SMOC1: variants seen among roughly 807,000 people sequenced by gnomAD.
SMOC1 encodes SPARC-related modular calcium-binding protein 1.
A neutral mutation model predicts 56.3 loss-of-function variants in SMOC1; 22 were observed. The ratio of observed to expected loss-of-function variants is 0.39; its 90% CI spans 0.28 to 0.56. The LOEUF is 0.56. Ranked by LOEUF, SMOC1 falls within the 20% of genes least tolerant of loss-of-function variation. SMOC1 has a pLI of 0.61. For missense variants in SMOC1, 509 were observed against 565.4 expected, an observed-to-expected ratio of 0.90 and a Z score of 1.01; for synonymous variants, 193 against 215.0, an observed-to-expected ratio of 0.90 and a Z score of 0.89.
intron 10 of SMOC1, among the ~76,000 whole-genome samples, chr14:70,018,236 T>C (rs1885588877): frequency 6.6e-6 from 1 of 152,006 alleles, no homozygotes. Flanking sequence ...CGATAGCAAG[T>C]GTCAGCATGA....
At chr14:69,966,797 G>A (rs1035821991) in intron 3 of SMOC1, among the ~76,000 whole-genome samples, 1 of 152,106 alleles carries the variant, frequency 6.6e-6, no homozygotes, top group Non-Finnish European at 1.5e-5. Context: ...TCTAGCTATG[G>A]GAATTATAGA....
rs1402188267 is a variant in SMOC1, at chr14:69,953,585, A to T, written c.378+53A>T. 3 of 1,498,496 alleles carry T rather than the reference A, an allele frequency of 2.0e-6. No individual in the cohort carries two copies. The African/African-American group carries it at 4.1e-5, about 21-fold the overall frequency. The allele number at this position is 1,498,496 out of a possible 1,614,324, so 92.8% of individuals were successfully genotyped here. On this transcript the variant is annotated intron_variant, in intron 3 of 11. Transcript: ENST00000361956. ...TCTTTCCTGGACCGAGGCAGAGGGG[A>T]GGTGTCCCGAGAGCGCGAGGGCTGC...
chr14:69,955,009 T>A lies in SMOC1; in HGVS notation c.378+1477T>A, dbSNP rs372551510. Among the ~76,000 whole-genome samples, 82 of 152,308 alleles carry A rather than the reference T, an allele frequency of 5.4e-4. 2 individuals carry two copies. The South Asian group carries it at 0.017, about 31-fold the overall frequency. On this transcript the variant is annotated intron_variant, in intron 3 of 11. Coordinates refer to ENST00000361956, the MANE Select transcript of SMOC1 (RefSeq NM_001034852.3). ...GTTGATTCAAATGGGCAGCCAGGCT[T>A]GATAGTCACTGGGTTAAACTGACGT... is the stretch of plus-strand genomic sequence containing the variant.
chr14:69,985,615 T>G (rs1431227866), intron 5 of SMOC1, among the ~76,000 whole-genome samples: 1 of 152,194 alleles, frequency 6.6e-6, no homozygotes, highest in African/African-American at 2.4e-5. Context: ...TTTGTAAGTT[T>G]TAAGTTGTGA....
intron 3 of SMOC1, among the ~76,000 whole-genome samples, chr14:69,967,618 C>A (rs1289760656): frequency 6.6e-6 from 1 of 151,262 alleles, no homozygotes; most frequent in African/African-American, 2.4e-5. Flanking sequence ...ATAAAATCAG[C>A]ATGTGCTAAG....
At chr14:69,932,698 G>A (rs2139395677) in intron 1 of SMOC1, among the ~76,000 whole-genome samples, 1 of 152,314 alleles carries the variant, frequency 6.6e-6, no homozygotes, top group East Asian at 1.9e-4. Flanking sequence ...CCTGTGCTTT[G>A]GGAGCCCCTG....
chr14:69,952,193 C>T lies in SMOC1; in HGVS notation c.155C>T (p.Pro52Leu). 1 of 1,614,160 alleles carries T rather than the reference C, an allele frequency of 6.2e-7. No individual in the cohort carries two copies. The highest frequency in any genetic ancestry group is 8.5e-7 in the Non-Finnish European group (1 of 1,180,020). The stretch of plus-strand genomic sequence containing the variant: ...AACCTCCACTGCTCCAGGACTCAAC[C>T]CAAACCCATCTGTGCCTCTGATGGC... ...QCNLHCSRTQ[P>L]KPICASDGRS... is the part of the protein sequence containing the mutation. The change falls in exon 2 of 12, where the codon CCC becomes CTC. Residue 52 changes from proline (P) to leucine (L), a missense_variant. Physicochemically the swap from Pro to Leu is moderately conservative, Grantham distance 98 (BLOSUM62 -3). Around this residue, in one of 3 missense-constraint regions of SMOC1, gnomAD observed 315 missense variants for 333.1 expected, o/e 0.95. Transcript: ENST00000361956.
At chr14:69,913,110 G>A (rs1884596598) in intron 1 of SMOC1, among the ~76,000 whole-genome samples, 1 of 152,190 alleles carries the variant, frequency 6.6e-6, no homozygotes, top group Admixed American at 6.5e-5. Context: ...AGGCCAGTGA[G>A]TGTGGGGGCA....
At chr14:69,954,074 G>GCAGTC (rs1883103387) in intron 3 of SMOC1, among the ~76,000 whole-genome samples, 2 of 152,102 alleles carry the variant, frequency 1.3e-5, no homozygotes, top group Non-Finnish European at 2.9e-5. Context: ...CCTAAGTCAG[G>GCAGTC]CAGTCCTACC....
intron 3 of SMOC1, 100 bp downstream of exon 3, chr14:69,953,632 A>T (rs540345673): frequency 1.4e-5 from 14 of 979,454 alleles, no homozygotes; most frequent in Admixed American, 5.5e-5. Context: ...ACTTTCTGGG[A>T]AACAGTTGAG....
At chr14:69,900,455 A>G (rs1030298536) in intron 1 of SMOC1, among the ~76,000 whole-genome samples, 3 of 152,232 alleles carry the variant, frequency 2.0e-5, no homozygotes, top group Non-Finnish European at 2.9e-5. Flanking sequence ...TCGTTTATGG[A>G]GCAGTACATA....
intron 1 of SMOC1, among the ~76,000 whole-genome samples, chr14:69,903,485 T>G (rs868805379): frequency 6.6e-6 from 1 of 152,200 alleles, no homozygotes; most frequent in Non-Finnish European, 1.5e-5. Context: ...GGGGAAAAGA[T>G]AGAGAAATCA....
intron 1 of SMOC1, among the ~76,000 whole-genome samples, chr14:69,916,617 TAGG>T: frequency 6.6e-6 from 1 of 152,330 alleles, no homozygotes; most frequent in African/African-American, 2.4e-5. Flanking sequence ...ATTTCCTCCT[TAGG>T]GCCTTTGCCC....
At chr14:69,925,537 G>A (rs1007694) in intron 1 of SMOC1, among the ~76,000 whole-genome samples, 8 of 152,086 alleles carry the variant, frequency 5.3e-5, no homozygotes, top group Admixed American at 1.3e-4. Flanking sequence ...ATTACCACCC[G>A]ACATTGTTTT....
At chr14:70,011,015 G>T in intron 8 of SMOC1, 69 bp downstream of exon 8, 1 of 1,572,266 alleles carries the variant, frequency 6.4e-7, no homozygotes, top group Non-Finnish European at 8.7e-7. Flanking sequence ...GCATCTCCCA[G>T]TGTTCCTGCC....
At chr14:69,970,714 C>A (rs1054380222) in intron 3 of SMOC1, among the ~76,000 whole-genome samples, 4 of 152,152 alleles carry the variant, frequency 2.6e-5, no homozygotes, top group African/African-American at 9.7e-5. Flanking sequence ...CTTTCTTCCC[C>A]TTTGCTCCCT....
intron 9 of SMOC1, among the ~76,000 whole-genome samples, chr14:70,013,036 G>T (rs547832116): frequency 1.3e-5 from 2 of 152,186 alleles, no homozygotes; most frequent in African/African-American, 2.4e-5. Context: ...ACGACTGCTT[G>T]GCTATTAGCT....
intron 1 of SMOC1, among the ~76,000 whole-genome samples, chr14:69,895,165 T>C (rs552057436): frequency 1.4e-4 from 22 of 152,324 alleles, no homozygotes; most frequent in African/African-American, 4.8e-4. Context: ...TTTCCAGTGG[T>C]TGGGAAAGGT....
intron 1 of SMOC1, among the ~76,000 whole-genome samples, chr14:69,913,566 T>C (rs1483227364): frequency 6.6e-6 from 1 of 152,204 alleles, no homozygotes; most frequent in East Asian, 1.9e-4. Context: ...AGTCATTGTG[T>C]ATTTTTATTT....
Sources: allele counts gnomAD v4.1 joint callset (sites outside exome capture counted in the v4.1 genomes callset), GRCh38; gene constraint gnomAD v4.1.1; regional missense constraint gnomAD v4.1.1; transcripts MANE v1.5; gene names NCBI Gene and HGNC (gene_info 2026-07-23, HGNC 2026-07-21).